SCN11A: variants seen among roughly 807,000 people sequenced by gnomAD.
The protein encoded by SCN11A is sodium voltage-gated channel alpha subunit 11.
A neutral mutation model predicts 162.2 loss-of-function variants in SCN11A; 122 were observed. The observed-to-expected ratio is 0.75, with a 90% confidence interval of 0.65 to 0.87. The LOEUF (loss-of-function observed/expected upper bound fraction) is 0.87. Ranked by LOEUF, SCN11A falls within the 40% of genes least tolerant of loss-of-function variation. The pLI is 0.00. For missense variants in SCN11A, 2,015 were observed against 2,181.6 expected (o/e 0.92, Z 1.52); for synonymous variants, 758 against 751.5 (o/e 1.01, Z -0.14).
At chr3:38,885,196 G>T in intron 21 of SCN11A, 92 bp downstream of exon 21, 4 of 735,224 alleles carry the variant, frequency 5.4e-6, no homozygotes, top group South Asian at 4.9e-5. Context: ...GAAGTAGAAA[G>T]ATGATATCTA....
At chr3:38,992,745 T>G (rs1575350433) in intron 2 of SCN11A, among the ~76,000 whole-genome samples, 3 of 152,356 alleles carry the variant, frequency 2.0e-5, no homozygotes, top group East Asian at 1.9e-4. Context: ...AGGAAACCAA[T>G]GCACAGATAG....
chr3:38,945,454 C>T lies in SCN11A; in HGVS notation c.445G>A (p.Gly149Arg), dbSNP rs759116099. 1.2e-6 allele frequency: 2 copies of T among 1,603,702 alleles called. No homozygotes were observed. The highest frequency in any genetic ancestry group is 3.4e-5 in the Admixed American group (2 of 59,222). Residue 149 changes from glycine to arginine, a missense_variant, in exon 7 of 30, where the codon GGG becomes AGG. Physicochemically the swap from Gly to Arg is moderately radical, Grantham distance 125. Coordinates refer to ENST00000302328, the MANE Select transcript of SCN11A (RefSeq NM_001349253.2). ...TTACTGTTGCTGTTTTTAGCAGGCC[C>T]TGTAGCCATGAACACGCAGTTGATG... Reference protein sequence around the residue: ...VIINCVFMATGPAKNSNSNNT... With the variant: ...VIINCVFMATRPAKNSNSNNT...
At chr3:38,939,657 A>G (rs1159362428) in intron 7 of SCN11A, among the ~76,000 whole-genome samples, 1 of 152,122 alleles carries the variant, frequency 6.6e-6, no homozygotes, top group East Asian at 1.9e-4. Context: ...TAATCCCAGC[A>G]CTTTGGGAGG....
intron 11 of SCN11A, among the ~76,000 whole-genome samples, chr3:38,910,882 T>G (rs557429836): frequency 3.9e-5 from 6 of 152,338 alleles, no homozygotes; most frequent in Admixed American, 2.0e-4. Flanking sequence ...TGAGTGTATC[T>G]ATAAGATGTA....
intron 3 of SCN11A, among the ~76,000 whole-genome samples, chr3:38,959,332 C>T (rs757871833): frequency 5.3e-5 from 8 of 152,112 alleles, no homozygotes; most frequent in Non-Finnish European, 7.3e-5. Context: ...AATCTCAAGC[C>T]GAAACAATTC....
intron 2 of SCN11A, among the ~76,000 whole-genome samples, chr3:39,028,757 T>C (rs1559579308): frequency 6.6e-6 from 1 of 152,174 alleles, no homozygotes; most frequent in Non-Finnish European, 1.5e-5. Flanking sequence ...GGCCTTGTGT[T>C]ATAACAATCT....
chr3:38,897,589 G>A (rs1237881536), intron 17 of SCN11A, among the ~76,000 whole-genome samples: 2 of 152,056 alleles, frequency 1.3e-5, no homozygotes, highest in Non-Finnish European at 2.9e-5. Flanking sequence ...GGTGGCGCAT[G>A]CCTGTAGTCC....
chr3:39,001,140 T>A (rs947473621), intron 2 of SCN11A, among the ~76,000 whole-genome samples: 3 of 152,186 alleles, frequency 2.0e-5, no homozygotes, highest in African/African-American at 7.2e-5. Flanking sequence ...GAGGTAAAAT[T>A]CACCATTTTA....
intron 6 of SCN11A, 32 bp downstream of exon 6, chr3:38,946,757 T>C (rs1244890536): frequency 7.1e-7 from 1 of 1,409,380 alleles, no homozygotes; most frequent in African/African-American, 1.4e-5. Context: ...TCAAATGATC[T>C]GGACTTAGTA....
rs557969705 is a variant in SCN11A at position 39,049,517 on chromosome 3, G to A, written c.-404+2344C>T. On this transcript the variant is annotated intron_variant, in intron 1 of 29. Coordinates refer to ENST00000302328, the MANE Select transcript of SCN11A (RefSeq NM_001349253.2). The stretch of plus-strand genomic sequence containing the variant: ...CAAATAAGAACTCCCTCAATGATGG[G>A]GAGGGCCAATGACCAATGGAATAGA... Among the ~76,000 whole-genome samples the A allele has an allele frequency of 1.3e-4, 20 of 152,312 alleles. 1 individual carries two copies. The highest frequency in any genetic ancestry group is 4.8e-4 in the African/African-American group (20 of 41,568).
intron 23 of SCN11A, among the ~76,000 whole-genome samples, chr3:38,873,429 A>C (rs1326958304): frequency 2.0e-5 from 3 of 152,190 alleles, no homozygotes; most frequent in African/African-American, 7.2e-5. Flanking sequence ...CAGAATATTA[A>C]GATTTTGAAA....
intron 7 of SCN11A, among the ~76,000 whole-genome samples, chr3:38,937,145 G>A (rs1378032912): frequency 6.6e-6 from 1 of 152,002 alleles, no homozygotes. Flanking sequence ...TTAATAAATG[G>A]TGCTGGGAAA....
intron 7 of SCN11A, among the ~76,000 whole-genome samples, chr3:38,931,998 A>G (rs2066248713): frequency 6.6e-6 from 1 of 152,248 alleles, no homozygotes; most frequent in Non-Finnish European, 1.5e-5. Context: ...GTAGTACAAT[A>G]CTTGCAACTT....
At chr3:38,860,466 G>T (rs530724376) in intron 28 of SCN11A, among the ~76,000 whole-genome samples, 1 of 152,072 alleles carries the variant, frequency 6.6e-6, no homozygotes, top group Admixed American at 6.6e-5. Context: ...CAATATTCCT[G>T]ATGACTATAG....
At chr3:38,939,463 T>C (rs1455511111) in intron 7 of SCN11A, among the ~76,000 whole-genome samples, 2 of 152,142 alleles carry the variant, frequency 1.3e-5, no homozygotes, top group Non-Finnish European at 2.9e-5. Flanking sequence ...AGATTACCAA[T>C]GAAAAATGAA....
At chr3:38,906,204 C>G (rs905978471) in intron 14 of SCN11A, among the ~76,000 whole-genome samples, 1 of 152,194 alleles carries the variant, frequency 6.6e-6, no homozygotes, top group Admixed American at 6.5e-5. Context: ...CTACATCTCC[C>G]TCTATCTCAG....
At chr3:39,010,875 GA>G (rs1204294408) in intron 2 of SCN11A, among the ~76,000 whole-genome samples, 1 of 152,202 alleles carries the variant, frequency 6.6e-6, no homozygotes, top group Non-Finnish European at 1.5e-5. Flanking sequence ...ACAAGGGTGG[GA>G]TTGCTGAGGA....
chr3:38,859,302 T>G (rs892766870), intron 28 of SCN11A, among the ~76,000 whole-genome samples: 13 of 149,814 alleles, frequency 8.7e-5, no homozygotes, highest in African/African-American at 3.2e-4. Flanking sequence ...AGAAGAGAGA[T>G]CAAAATAAGC....
At chr3:38,990,653 C>T (rs1315211341) in intron 2 of SCN11A, among the ~76,000 whole-genome samples, 2 of 152,136 alleles carry the variant, frequency 1.3e-5, no homozygotes, top group Non-Finnish European at 2.9e-5. Flanking sequence ...ATGCTCTGTG[C>T]CAAATCCTGT....
Sources: gnomAD v4.1 joint callset for allele counts (sites outside exome capture counted in the v4.1 genomes callset) on GRCh38, gnomAD v4.1.1 for gene constraint, MANE v1.5 for transcripts, NCBI Gene and HGNC (gene_info 2026-07-23, HGNC 2026-07-21) for gene names.